CFAP43: variants seen among roughly 807,000 people sequenced by gnomAD.
The protein encoded by CFAP43 is cilia and flagella associated protein 43, also known as cilia- and flagella-associated protein 43.
In CFAP43, 155 loss-of-function variants were observed where a neutral mutation model predicts 218.9. That is an observed-to-expected ratio of 0.71 (90% CI 0.62 to 0.81). CFAP43 has a LOEUF of 0.81. CFAP43 is among the 30% of genes least tolerant of loss of function. CFAP43 has a pLI of 0.00. For missense variants in CFAP43, 1,778 were observed against 1,954.3 expected (o/e 0.91, Z 1.70); for synonymous variants, 645 against 681.3 (o/e 0.95, Z 0.83).
chr10:104,205,601 G>A (rs1163118867), intron 7 of CFAP43, among the ~76,000 whole-genome samples: 1 of 152,170 alleles, frequency 6.6e-6, no homozygotes, highest in Non-Finnish European at 1.5e-5. Flanking sequence ...CTAAGCTGCA[G>A]CTTAGACAAA....
At chr10:104,166,771 A>C (rs2089177923) in intron 22 of CFAP43, 53 bp from the exon 23 acceptor site, 3 of 1,469,570 alleles carry the variant, frequency 2.0e-6, no homozygotes, top group African/African-American at 2.8e-5. Context: ...GAATCCTCTA[A>C]AGGGAAATTT....
chr10:104,175,780 G>A (rs542552722), intron 19 of CFAP43, among the ~76,000 whole-genome samples: 128 of 152,294 alleles, frequency 8.4e-4, no homozygotes, highest in Admixed American at 1.3e-3. Flanking sequence ...CTGAATGTGC[G>A]TTGCTTTTGC....
intron 34 of CFAP43, among the ~76,000 whole-genome samples, chr10:104,136,757 A>G (rs2087472051): frequency 2.0e-5 from 3 of 152,224 alleles, no homozygotes. Context: ...TGTCCAGAAC[A>G]TATAAAAAAC....
chr10:104,227,302 TA>T (rs1465778184), intron 2 of CFAP43, among the ~76,000 whole-genome samples: 1 of 152,202 alleles, frequency 6.6e-6, no homozygotes, highest in African/African-American at 2.4e-5. Flanking sequence ...AACCATTTCC[TA>T]AAAATTGAAT....
intron 17 of CFAP43, among the ~76,000 whole-genome samples, chr10:104,180,445 CT>C (rs34452460): frequency 0.34 from 42,411 of 124,304 alleles, 5,486 homozygotes; most frequent in African/African-American, 0.45. Flanking sequence ...CACCCTATTT[CT>C]TTTTTTTTTT....
intron 8 of CFAP43, among the ~76,000 whole-genome samples, chr10:104,202,827 T>C (rs2090572000): frequency 6.6e-6 from 1 of 151,852 alleles, no homozygotes; most frequent in Non-Finnish European, 1.5e-5. Context: ...AGTTTTTTTT[T>C]TTTTAAAAAA....
chr10:104,228,511 G>A (rs1294680093), intron 2 of CFAP43, among the ~76,000 whole-genome samples: 5 of 151,996 alleles, frequency 3.3e-5, no homozygotes, highest in Admixed American at 1.3e-4. Context: ...CATTCTCTAT[G>A]TTTTATTTTC....
At position 104,183,759 on chromosome 10, in the gene CFAP43, C is replaced by G. The variant is rs569643206; in HGVS notation, c.2142-1246G>C. 3.3e-5 allele frequency among the ~76,000 whole-genome samples: 5 copies of G among 152,280 alleles called. No homozygotes were observed. The East Asian group carries it at 9.6e-4, about 29-fold the overall frequency. The stretch of plus-strand genomic sequence containing the variant: ...GGTGATTACCAATGGATCAAAATGT[C>G]CTTCTTTTTGAGCTGCATAAATAAG... On this transcript the variant is annotated intron_variant, in intron 16 of 37. Transcript: ENST00000357060.
rs754109266 is a variant in CFAP43 at position 104,146,327 on chromosome 10, C to T, written c.3791G>A (p.Arg1264Gln). ...CACATCCAGGTCTTCTCTAGATTTC[C>T]GAACAGCTTCTGAAGTCTGGCTCTA... ...HEKSQTSEAV[R>Q]KSREDLDVCK... The change falls in exon 30 of 38, where the codon CGG becomes CAG. Residue 1264 changes from arginine to glutamine, a missense_variant. This residue lies in a region of CFAP43 where 1,553 missense variants were observed against 1,685.2 expected (regional missense o/e 0.92). Transcript: ENST00000357060. 131 of 1,613,378 alleles carry T rather than the reference C, an allele frequency of 8.1e-5. No homozygotes were observed. The highest frequency in any genetic ancestry group is 1.0e-4 in the Non-Finnish European group (121 of 1,179,608).
At chr10:104,209,245 C>A (rs1564800875) in intron 5 of CFAP43, among the ~76,000 whole-genome samples, 1 of 151,988 alleles carries the variant, frequency 6.6e-6, no homozygotes, top group Non-Finnish European at 1.5e-5. Context: ...TATTTTGCTA[C>A]AAAATGAAAA....
chr10:104,161,461 G>A (rs1398873178), intron 26 of CFAP43, among the ~76,000 whole-genome samples: 1 of 152,098 alleles, frequency 6.6e-6, no homozygotes, highest in African/African-American at 2.4e-5. Flanking sequence ...CCTATGTCAG[G>A]TATCAAAGAA....
intron 2 of CFAP43, among the ~76,000 whole-genome samples, chr10:104,227,372 T>G (rs113882143): frequency 3.5e-4 from 53 of 152,228 alleles, no homozygotes; most frequent in Non-Finnish European, 5.3e-4. Flanking sequence ...ACAGAAAGAC[T>G]CTATCAATTT....
rs200670812 is a variant in CFAP43 at position 104,142,328 on chromosome 10, T to C, written c.4224A>G (p.Glu1408=). 1 of 1,613,422 alleles carries C rather than the reference T, an allele frequency of 6.2e-7. No individual in the cohort carries two copies. The highest frequency in any genetic ancestry group is 8.5e-7 in the Non-Finnish European group (1 of 1,179,618). Residue 1408 remains glutamate (E), a synonymous_variant, in exon 33 of 38, where the codon GAA becomes GAG. Coordinates refer to ENST00000357060, the MANE Select transcript of CFAP43 (RefSeq NM_025145.7). ...TCTCAATCTCCTGTTGCACCTTCTC[T>C]TCCTCCTCAACTCTCTTCTGGAGGA... ...ATFLQKRVEE[E]EKVQQEIERV...
chr10:104,140,588 T>C (rs2087660981), intron 34 of CFAP43, among the ~76,000 whole-genome samples: 2 of 152,220 alleles, frequency 1.3e-5, no homozygotes, highest in Admixed American at 6.5e-5. Flanking sequence ...GGAGGATCAC[T>C]TGAGCTCAGG....
Position 104,183,539 on chromosome 10 carries a change from G to A in CFAP43, c.2142-1026C>T, listed in dbSNP as rs1052790345. Among the ~76,000 whole-genome samples, 6 of 152,106 alleles carry A rather than the reference G, an allele frequency of 3.9e-5. No homozygotes were observed. The East Asian group carries it at 9.7e-4, about 24-fold the overall frequency. On this transcript the variant is annotated intron_variant, in intron 16 of 37. Transcript: ENST00000357060. ...CGAGTAGCTGGGACTACAGGCGCCC[G>A]CCACCGCGCCCGGCTAATTTTTTGT...
intron 20 of CFAP43, among the ~76,000 whole-genome samples, chr10:104,172,166 C>A (rs571344199): frequency 1.3e-5 from 2 of 152,154 alleles, no homozygotes; most frequent in Non-Finnish European, 2.9e-5. Context: ...ATGGCTGGCA[C>A]GAATGTCATG....
chr10:104,217,590 G>A (rs569499344), intron 3 of CFAP43, among the ~76,000 whole-genome samples: 1 of 152,236 alleles, frequency 6.6e-6, no homozygotes, highest in African/African-American at 2.4e-5. Flanking sequence ...TGGACCTTCC[G>A]TTGCTTGACA....
intron 5 of CFAP43, among the ~76,000 whole-genome samples, chr10:104,211,737 T>C (rs1328172299): frequency 6.6e-6 from 1 of 152,184 alleles, no homozygotes; most frequent in Non-Finnish European, 1.5e-5. Context: ...CACCTAGGTG[T>C]CTTCCCTGCA....
At chr10:104,201,343 T>C (rs972470855) in intron 8 of CFAP43, among the ~76,000 whole-genome samples, 1 of 152,208 alleles carries the variant, frequency 6.6e-6, no homozygotes, top group Non-Finnish European at 1.5e-5. Flanking sequence ...GGTTTAAACA[T>C]AGATTTTAAT....
Sources: gnomAD v4.1 joint callset for allele counts (sites outside exome capture counted in the v4.1 genomes callset) on GRCh38, gnomAD v4.1.1 for gene constraint, gnomAD v4.1.1 regional missense constraint, MANE v1.5 for transcripts, NCBI Gene and HGNC (gene_info 2026-07-23, HGNC 2026-07-21) for gene names.